The following C16orf89 variants were observed in gnomAD, a reference collection of about 807,000 sequenced individuals.
C16orf89 encodes chromosome 16 open reading frame 89, also known as UPF0764 protein C16orf89.
C16orf89 carries 57 observed loss-of-function variants against 41.5 expected under a neutral mutation model. The ratio of observed to expected loss-of-function variants is 1.38; its 90% CI spans 1.11 to 1.71. The LOEUF is 1.71. Among genes scored for constraint, C16orf89 ranks in the 40% most tolerant of loss-of-function variants. The pLI is 0.00. For missense variants in C16orf89, 575 were observed against 445.9 expected, an observed-to-expected ratio of 1.29 and a Z score of -2.61; for synonymous variants, 223 against 190.6, an observed-to-expected ratio of 1.17 and a Z score of -1.40.
chr16:5,061,432 CAAAAAAAAAAAA>C (rs59903296), intron 2 of C16orf89, among the ~76,000 whole-genome samples: 1 of 25,242 alleles, frequency 4.0e-5, no homozygotes, highest in Non-Finnish European at 5.8e-5. Context: ...GACTCTGTCT[CAAAAAAAAAAAA>C]AAAAAAAAAA....
intron 6 of C16orf89, among the ~76,000 whole-genome samples, chr16:5,050,363 G>C (rs1243105608): frequency 6.6e-6 from 1 of 150,504 alleles, no homozygotes; most frequent in Non-Finnish European, 1.5e-5. Context: ...GCAAGACTCT[G>C]TCTCCAAAAA....
chr16:5,044,336 G>C lies in C16orf89; in HGVS notation c.*12C>G, dbSNP rs1158130424. 2 of 1,592,326 alleles carry C rather than the reference G, an allele frequency of 1.3e-6. No individual in the cohort carries two copies. The highest frequency in any genetic ancestry group is 1.7e-6 in the Non-Finnish European group (2 of 1,170,486). On this transcript the variant is annotated 3_prime_UTR_variant, in exon 8 of 8. Transcript: ENST00000472572. Reference sequence around the variant, plus strand: ...GTTCCTCCTCCAGGCAGCTGGCATGGAACCGTCCGTCTCAGCGGCTGCTTG... The same window carrying C: ...GTTCCTCCTCCAGGCAGCTGGCATGCAACCGTCCGTCTCAGCGGCTGCTTG...
intron 7 of C16orf89, chr16:5,044,879 G>C: frequency 1.6e-6 from 2 of 1,255,248 alleles, no homozygotes; most frequent in Non-Finnish European, 2.0e-6. Flanking sequence ...TGTCATTCCA[G>C]GCAACTTGCA....
downstream of C16orf89, chr16:5,043,349 C>T (rs1956238701): frequency 6.6e-6 from 1 of 152,232 alleles, no homozygotes; most frequent in Non-Finnish European, 1.5e-5. Flanking sequence ...GCCACTGTGC[C>T]CTTCCAAGGT....
In C16orf89 at chr16:5,056,095, T is replaced by A; in HGVS notation, c.721A>T (p.Ile241Phe). Reference protein sequence around the residue: ...MMDLNRRAEAIGYAYPTRDIF... With the variant: ...MMDLNRRAEAFGYAYPTRDIF... ...TCCCGGGTAGGGTAGGCGTATCCGA[T>A]GGCCTCAGCTCTGCGGTTCAAGTCC... The change falls in exon 5 of 8, where the codon ATC becomes TTC. Residue 241 changes from isoleucine to phenylalanine, a missense_variant. Physicochemically the swap from Ile to Phe is conservative, Grantham distance 21. Transcript: ENST00000472572. 6.3e-7 allele frequency: 1 copy of A among 1,599,512 alleles called. No individual in the cohort carries two copies. The highest frequency in any genetic ancestry group is 8.6e-7 in the Non-Finnish European group (1 of 1,167,742).
chr16:5,045,269 C>T (rs1052735864), intron 7 of C16orf89, among the ~76,000 whole-genome samples: 1 of 152,246 alleles, frequency 6.6e-6, no homozygotes, highest in African/African-American at 2.4e-5. Flanking sequence ...GCCCCTGGCC[C>T]TGGTGACTCC....
At chr16:5,055,707 T>A in intron 5 of C16orf89, 1 of 1,535,814 alleles carries the variant, frequency 6.5e-7, no homozygotes, top group African/African-American at 1.4e-5. Context: ...TGTGTAGAGC[T>A]CCGTCACTGG....
intron 6 of C16orf89, among the ~76,000 whole-genome samples, chr16:5,053,722 T>G (rs1042737485): frequency 6.6e-6 from 1 of 152,114 alleles, no homozygotes; most frequent in African/African-American, 2.4e-5. Flanking sequence ...GTTTTTGATA[T>G]TTTTGGTATA....
intron 1 of C16orf89, 45 bp from the exon 2 acceptor site, chr16:5,062,619 A>T: frequency 6.6e-7 from 1 of 1,515,738 alleles, no homozygotes; most frequent in Non-Finnish European, 8.9e-7. Context: ...TGGAATCGGG[A>T]CCTTTTTTTG....
At chr16:5,055,437 C>G in intron 5 of C16orf89, 87 bp from the exon 6 acceptor site, 1 of 1,268,358 alleles carries the variant, frequency 7.9e-7, no homozygotes, top group East Asian at 2.5e-5. Context: ...TGCCACCTGC[C>G]TTCATCTGCC....
Position 5,065,698 on chromosome 16 carries a change from C to A in C16orf89, c.208+3G>T, listed in dbSNP as rs757903920. The A allele has an allele frequency of 3.1e-6, 5 of 1,610,808 alleles. No homozygotes were observed. Among genetic ancestry groups the A allele is most frequent in the Non-Finnish European group, 3.4e-6 (4 of 1,177,134 alleles). On this transcript the variant is annotated splice_donor_region_variant and intron_variant, in intron 1 of 7. Coordinates refer to ENST00000472572, the MANE Select transcript of C16orf89 (RefSeq NM_001098514.3). ...CCAGCCAGAGGAATTGGGGCTCACT[C>A]ACCTTCCAGCACTCGGACCCCCACC...
rs757247117 is a variant in C16orf89, at chr16:5,058,467, ACGGCGGGGGC to A, written c.627+16_627+25del. The A allele has an allele frequency of 1.3e-5, 21 of 1,556,126 alleles. No individual in the cohort carries two copies. The African/African-American group carries it at 2.7e-4, about 20-fold the overall frequency. On this transcript the variant is annotated intron_variant, in intron 4 of 7. Coordinates refer to ENST00000472572, the MANE Select transcript of C16orf89 (RefSeq NM_001098514.3). ...CCTTTTTCCTTCCCCTTCCCCTGGC[ACGGCGGGGGC>A]TCCCTGGGCACTCACCATTCTGGCC...
chr16:5,051,842 A>G (rs560615408), intron 6 of C16orf89, among the ~76,000 whole-genome samples: 1 of 152,244 alleles, frequency 6.6e-6, no homozygotes, highest in South Asian at 2.1e-4. Flanking sequence ...GCTGACGCCT[A>G]TAATCCCAGG....
chr16:5,061,420 G>A (rs1194686965), intron 2 of C16orf89, among the ~76,000 whole-genome samples: 1 of 110,084 alleles, frequency 9.1e-6, no homozygotes, highest in Non-Finnish European at 1.7e-5. Flanking sequence ...GCGACAGGGT[G>A]AGACTCTGTC....
At chr16:5,059,176 G>A (rs1217896461) in intron 3 of C16orf89, among the ~76,000 whole-genome samples, 1 of 151,966 alleles carries the variant, frequency 6.6e-6, no homozygotes, top group African/African-American at 2.4e-5. Context: ...ACTTGAATCC[G>A]GGAGGCAGAG....
Position 5,065,855 on chromosome 16 carries a change from C to T in C16orf89, c.54G>A (p.Leu18=), listed in dbSNP as rs1449693027. Residue 18 remains leucine (L), a synonymous_variant, in exon 1 of 8, where the codon CTG becomes CTA. Coordinates refer to ENST00000472572, the MANE Select transcript of C16orf89 (RefSeq NM_001098514.3). ...LLLLLTALPP[L]WSSSLPGLDT... is the part of the protein sequence containing the mutation. Reference sequence around the variant, plus strand: ...CCAGCCCAGGCAGTGAGGAGGACCACAGCGGTGGCAGTGCTGTCAGTAAGA... The same window carrying T: ...CCAGCCCAGGCAGTGAGGAGGACCATAGCGGTGGCAGTGCTGTCAGTAAGA... The T allele has an allele frequency of 1.2e-6, 2 of 1,614,258 alleles. No individual in the cohort carries two copies. The highest frequency in any genetic ancestry group is 1.3e-5 in the African/African-American group (1 of 75,068).
chr16:5,046,462 C>T (rs1273881517), intron 7 of C16orf89, among the ~76,000 whole-genome samples: 1 of 151,442 alleles, frequency 6.6e-6, no homozygotes, highest in African/African-American at 2.4e-5. Flanking sequence ...AGCAGATCTC[C>T]TGTCTCAGCC....
chr16:5,052,155 G>T (rs1451018997), intron 6 of C16orf89, among the ~76,000 whole-genome samples: 1 of 150,222 alleles, frequency 6.7e-6, no homozygotes, highest in Non-Finnish European at 1.5e-5. Context: ...CAAATGAGCT[G>T]CATAGACATC....
chr16:5,044,914 C>T (rs376493717), intron 7 of C16orf89: 20 of 1,242,710 alleles, frequency 1.6e-5, no homozygotes, highest in Non-Finnish European at 2.0e-5. Context: ...TGCTTCGGTG[C>T]TCCCTTAGGC....
Sources: gnomAD v4.1 joint callset for allele counts (sites outside exome capture counted in the v4.1 genomes callset) on GRCh38, gnomAD v4.1.1 for gene constraint, MANE v1.5 for transcripts, NCBI Gene and HGNC (gene_info 2026-07-23, HGNC 2026-07-21) for gene names.